ANGPTL5: variants seen among roughly 807,000 people sequenced by gnomAD.
ANGPTL5 encodes the protein angiopoietin like 5.
A neutral mutation model predicts 39.4 loss-of-function variants in ANGPTL5; 34 were observed. That is an observed-to-expected ratio of 0.86 (90% CI 0.66 to 1.15). ANGPTL5 has a LOEUF of 1.15. Among genes scored for constraint, ANGPTL5 ranks in the 50% most tolerant of loss-of-function variants. The pLI, the probability that ANGPTL5 is intolerant of heterozygous loss-of-function variation, is 0.00. For synonymous variants in ANGPTL5, 146 were observed against 152.1 expected, an observed-to-expected ratio of 0.96 and a Z score of 0.29; for missense variants, 467 against 457.5, an observed-to-expected ratio of 1.02 and a Z score of -0.19.
intron 1 of ANGPTL5, among the ~76,000 whole-genome samples, chr11:101,912,535 C>T (rs748154543): frequency 4.5e-4 from 68 of 152,012 alleles, no homozygotes; most frequent in Non-Finnish European, 6.6e-4. Context: ...TGTGGAAAAC[C>T]CACTTAATAT....
chr11:101,895,487 G>C (rs1939775485), intron 7 of ANGPTL5, among the ~76,000 whole-genome samples: 1 of 152,136 alleles, frequency 6.6e-6, no homozygotes, highest in African/African-American at 2.4e-5. Flanking sequence ...CAGTAAATGA[G>C]AAGGTTTAAC....
intron 4 of ANGPTL5, 47 bp from the exon 5 acceptor site, chr11:101,904,954 T>G: frequency 6.9e-7 from 1 of 1,457,482 alleles, no homozygotes. Flanking sequence ...TTGAAGAAAT[T>G]GCCATCTCTA....
chr11:101,905,426 A>G (rs1939981839), intron 4 of ANGPTL5, among the ~76,000 whole-genome samples: 1 of 152,048 alleles, frequency 6.6e-6, no homozygotes, highest in Non-Finnish European at 1.5e-5. Flanking sequence ...GATTTTTAAA[A>G]CATTTATTCA....
chr11:101,905,340 C>T (rs1939979970), intron 4 of ANGPTL5, among the ~76,000 whole-genome samples: 1 of 152,168 alleles, frequency 6.6e-6, no homozygotes, highest in Non-Finnish European at 1.5e-5. Context: ...TCAACCTCAC[C>T]AGCCACTCCA....
At position 101,891,434 on chromosome 11, in the gene ANGPTL5, A is replaced by T. The variant is rs767499869; in HGVS notation, c.1012T>A (p.Cys338Ser). ...ATGCCATTTAGATTTGCTAGACCAC[A>T]CTCGTTAAACCACCAGCCGGTCTTG... ...HNKTGWWFNE[C>S]GLANLNGIHH... Residue 338 changes from cysteine to serine, a missense_variant, in exon 9 of 9, where the codon TGT becomes AGT. By Grantham distance (112) the Cys-to-Ser change is moderately radical. Transcript: ENST00000334289. The T allele has an allele frequency of 3.4e-5, 55 of 1,613,828 alleles. 1 individual carries two copies. In the South Asian group the frequency reaches 5.6e-4, roughly 16 times the overall value.
At chr11:101,909,622 T>G (rs1940056498) in intron 1 of ANGPTL5, among the ~76,000 whole-genome samples, 1 of 152,196 alleles carries the variant, frequency 6.6e-6, no homozygotes, top group Non-Finnish European at 1.5e-5. Context: ...TTCTTTGTTC[T>G]TTCACATCTT....
intron 1 of ANGPTL5, among the ~76,000 whole-genome samples, chr11:101,912,075 A>C (rs1399470728): frequency 6.6e-6 from 1 of 152,236 alleles, no homozygotes; most frequent in African/African-American, 2.4e-5. Flanking sequence ...TCACTACCCT[A>C]ATATGTTCTA....
At chr11:101,913,307 C>T (rs945858522) in intron 1 of ANGPTL5, among the ~76,000 whole-genome samples, 1 of 152,150 alleles carries the variant, frequency 6.6e-6, no homozygotes, top group African/African-American at 2.4e-5. Context: ...CCAAAATGAA[C>T]ATGGGTCATA....
chr11:101,909,408 C>A (rs1940053780), intron 1 of ANGPTL5, among the ~76,000 whole-genome samples: 1 of 152,160 alleles, frequency 6.6e-6, no homozygotes, highest in Non-Finnish European at 1.5e-5. Flanking sequence ...AGCTTGATTA[C>A]CTCCTTTGTA....
intron 8 of ANGPTL5, among the ~76,000 whole-genome samples, chr11:101,893,867 C>T (rs766665843): frequency 6.6e-6 from 1 of 152,176 alleles, no homozygotes; most frequent in Non-Finnish European, 1.5e-5. Flanking sequence ...TATGCCTTAA[C>T]TTAAGCTGCT....
At chr11:101,906,967 C>A (rs1373274392) in intron 3 of ANGPTL5, 136 bp downstream of exon 3, 5 of 658,128 alleles carry the variant, frequency 7.6e-6, no homozygotes, top group Non-Finnish European at 1.0e-5. Flanking sequence ...ATGGGCCAAA[C>A]AATAAAGCTT....
At chr11:101,893,508 T>A (rs984093949) in intron 8 of ANGPTL5, among the ~76,000 whole-genome samples, 4 of 152,198 alleles carry the variant, frequency 2.6e-5, no homozygotes, top group Admixed American at 1.3e-4. Context: ...TGAAAGTTAC[T>A]TCATAACCTT....
Position 101,900,430 on chromosome 11 carries a change from C to G in ANGPTL5, c.661G>C (p.Gly221Arg). Residue 221 changes from glycine to arginine, a missense_variant and splice_region_variant, in exon 7 of 9, where the codon GGA becomes CGA. Coordinates refer to ENST00000334289, the MANE Select transcript of ANGPTL5 (RefSeq NM_178127.5). Reference protein sequence around the residue: ...DYLDGFGDLLGEFWLGLKKIF... With the variant: ...DYLDGFGDLLREFWLGLKKIF... Reference sequence around the variant, plus strand: ...AGAGTAGAAATACAAAAAAATTAACCTAGAAGATCTCCAAATCCATCCAGA... The same window carrying G: ...AGAGTAGAAATACAAAAAAATTAACGTAGAAGATCTCCAAATCCATCCAGA... 6.2e-7 allele frequency: 1 copy of G among 1,612,724 alleles called. No individual in the cohort carries two copies. Among genetic ancestry groups the G allele is most frequent in the East Asian group, 2.2e-5 (1 of 44,780 alleles).
chr11:101,907,978 C>G lies in ANGPTL5; in HGVS notation c.-69G>C, dbSNP rs1443316162. ...GCTCTTTGTGGAAAGAACTACAGAG[C>G]ATAGAGTCTTCAGTTAAAAACCTCT... is the stretch of plus-strand genomic sequence containing the variant. On this transcript the variant is annotated 5_prime_UTR_variant, in exon 2 of 9. An upstream start codon of the reference 5' UTR is lost. Transcript: ENST00000334289. 3.4e-6 allele frequency: 4 copies of G among 1,176,970 alleles called. No homozygotes were observed. The Admixed American group carries it at 5.5e-5, about 16-fold the overall frequency. The allele number at this position is 1,176,970 out of a possible 1,614,324, so 72.9% of individuals were successfully genotyped here. A position where few individuals can be genotyped will look rare whatever the true frequency, so the allele number is the denominator to read the frequency against.
At chr11:101,911,862 ATTCTGTCCTCACAGTC>A (rs1159104951) in intron 1 of ANGPTL5, among the ~76,000 whole-genome samples, 1 of 152,200 alleles carries the variant, frequency 6.6e-6, no homozygotes, top group African/African-American at 2.4e-5. Context: ...CAACAGTATG[ATTCTGTCCTCACAGTC>A]TTCTGTACTC....
At chr11:101,900,678 A>G in intron 6 of ANGPTL5, 128 bp from the exon 7 acceptor site, 1 of 881,750 alleles carries the variant, frequency 1.1e-6, no homozygotes, top group Non-Finnish European at 1.8e-6. Flanking sequence ...CAATGCAATC[A>G]TATGCCATTA....
intron 6 of ANGPTL5, 152 bp from the exon 7 acceptor site, chr11:101,900,702 T>C (rs11225055): frequency 0.091 from 69,377 of 765,504 alleles, 4,587 homozygotes; most frequent in East Asian, 0.28. Context: ...TATTCAGATG[T>C]TTTTTATATT....
Position 101,898,445 on chromosome 11 carries a change from T to G in ANGPTL5, c.661+1985A>C, listed in dbSNP as rs924812269. ...AATGGGAGTTGACTCATGATTTGGC[T>G]CTCTGTTATTGGTGTATAGGAATTC... On this transcript the variant is annotated intron_variant, in intron 7 of 8. Coordinates refer to ENST00000334289, the MANE Select transcript of ANGPTL5 (RefSeq NM_178127.5). Among the ~76,000 whole-genome samples the G allele has an allele frequency of 4.6e-5, 7 of 152,294 alleles. No individual in the cohort carries two copies. In the South Asian group the frequency reaches 1.2e-3, roughly 27 times the overall value.
rs541393851 is a variant in ANGPTL5, at chr11:101,902,695, T to C, written c.466A>G (p.Thr156Ala). 1.9e-6 allele frequency: 3 copies of C among 1,610,860 alleles called. No homozygotes were observed. The highest frequency in any genetic ancestry group is 1.1e-5 in the South Asian group (1 of 90,804). Reference sequence around the variant, plus strand: ...GGTGTTTTGGTGACAGAGCCAATGGTATCCTTAATATCAGTGCAATCTAAA... The same window carrying C: ...GGTGTTTTGGTGACAGAGCCAATGGCATCCTTAATATCAGTGCAATCTAAA... The part of the protein sequence containing the change: ...HGLDCTDIKD[T>A]IGSVTKTPSG... Residue 156 changes from threonine to alanine, a missense_variant, in exon 6 of 9, where the codon ACC becomes GCC. Transcript: ENST00000334289.
Sources: gnomAD v4.1 joint callset for allele counts (sites outside exome capture counted in the v4.1 genomes callset) on GRCh38, gnomAD v4.1.1 for gene constraint, MANE v1.5 for transcripts, NCBI Gene and HGNC (gene_info 2026-07-23, HGNC 2026-07-21) for gene names.